CASD1: variants seen among roughly 807,000 people sequenced by gnomAD.
CASD1 encodes CAS1 domain sialic acid O acetyltransferase 1.
In CASD1, 41 loss-of-function variants were observed where a neutral mutation model predicts 100.0. The observed-to-expected ratio is 0.41, with a 90% CI of 0.32 to 0.53. The LOEUF is 0.53. Among genes scored for constraint, CASD1 ranks in the 20% least tolerant of loss-of-function variants. The pLI, the probability that CASD1 is intolerant of heterozygous loss-of-function variation, is 0.25. For missense variants in CASD1, 774 were observed against 948.7 expected (o/e 0.82, Z 2.42); for synonymous variants, 321 against 315.6 (o/e 1.02, Z -0.18).
the CASD1 span, chr7:94,585,234 TTAA>T: frequency 6.1e-4 from 256 of 416,782 alleles, no homozygotes; most frequent in African/African-American, 4.6e-3. Context: ...TTAGGCTTCA[TTAA>T]TAATATTTAT....
chr7:94,615,131 C>T, the CASD1 span, among the ~76,000 whole-genome samples: 1 of 152,088 alleles, frequency 6.6e-6, no homozygotes, highest in East Asian at 1.9e-4. Flanking sequence ...GAGGCCAAGG[C>T]GGGTGGATCA....
chr7:94,541,114 A>T (rs1183528862), intron 10 of CASD1, among the ~76,000 whole-genome samples: 1 of 152,074 alleles, frequency 6.6e-6, no homozygotes, highest in Admixed American at 6.6e-5. Context: ...ATTTATAATG[A>T]TTAACTAACA....
At chr7:94,518,601 A>G (rs1487009648) in intron 3 of CASD1, among the ~76,000 whole-genome samples, 1 of 152,176 alleles carries the variant, frequency 6.6e-6, no homozygotes, top group African/African-American at 2.4e-5. Flanking sequence ...AAATTTCCTT[A>G]GAAAGAAGAC....
At chr7:94,511,419 A>T (rs1336573626) in intron 1 of CASD1, among the ~76,000 whole-genome samples, 1 of 152,186 alleles carries the variant, frequency 6.6e-6, no homozygotes, top group East Asian at 1.9e-4. Context: ...AATTAAAAAT[A>T]TTGTACTCTA....
chr7:94,586,605 T>C, the CASD1 span: 1 of 153,240 alleles, frequency 6.5e-6, no homozygotes, highest in South Asian at 2.1e-4. Flanking sequence ...GTTCAAGTGA[T>C]TTTTCTGCCT....
the CASD1 span, among the ~76,000 whole-genome samples, chr7:94,580,311 C>T: frequency 6.6e-6 from 1 of 152,166 alleles, no homozygotes; most frequent in South Asian, 2.1e-4. Flanking sequence ...TTCCCCTATA[C>T]TTCACCATCT....
the CASD1 span, chr7:94,598,654 TTTG>T: frequency 1.3e-6 from 1 of 796,936 alleles, no homozygotes; most frequent in Non-Finnish European, 2.2e-6. Context: ...ACAATGTCCT[TTTG>T]TTATTTTCTC....
At chr7:94,571,496 A>T in the CASD1 span, among the ~76,000 whole-genome samples, 2 of 152,150 alleles carry the variant, frequency 1.3e-5, no homozygotes, top group African/African-American at 4.8e-5. Context: ...TTTTTAGTAG[A>T]AATTTGGATT....
chr7:94,572,212 A>G, the CASD1 span, among the ~76,000 whole-genome samples: 1 of 152,186 alleles, frequency 6.6e-6, no homozygotes, highest in Admixed American at 6.6e-5. Context: ...ATGAGATTAC[A>G]GACATGAGCC....
chr7:94,510,265 G>A, intron 1 of CASD1, 48 bp downstream of exon 1: 1 of 1,339,134 alleles, frequency 7.5e-7, no homozygotes, highest in South Asian at 1.7e-5. Context: ...GGGAGGCGGC[G>A]ACGCGGCGGC....
Position 94,552,358 on chromosome 7 carries a change from C to A in CASD1, c.1965C>A (p.Ser655=), listed in dbSNP as rs764057110. Residue 655 remains serine (S), a synonymous_variant, in exon 16 of 18, where the codon TCC becomes TCA. Transcript: ENST00000297273. ...FISVVSFLTY[S]IWASSCKNKA... is the part of the protein sequence containing the mutation. ...TACATTTTTTGTTTTAGACCTATTC[C>A]ATCTGGGCTAGCAGTTGTAAAAACA... 3.7e-6 allele frequency: 6 copies of A among 1,609,774 alleles called. No individual in the cohort carries two copies. The South Asian group carries it at 6.6e-5, about 18-fold the overall frequency.
chr7:94,596,057 A>G, the CASD1 span, among the ~76,000 whole-genome samples: 2 of 152,100 alleles, frequency 1.3e-5, no homozygotes, highest in African/African-American at 4.8e-5. Flanking sequence ...AAATCTGAAT[A>G]ATGTGAAGGT....
chr7:94,552,564 GTAGTAA>G, intron 16 of CASD1, 137 bp downstream of exon 16: 1 of 614,140 alleles, frequency 1.6e-6, no homozygotes, highest in Non-Finnish European at 2.8e-6. Context: ...TCCTTTCTCT[GTAGTAA>G]TAGGGATATT....
chr7:94,566,164 G>A, the CASD1 span, among the ~76,000 whole-genome samples: 1 of 152,124 alleles, frequency 6.6e-6, no homozygotes, highest in Non-Finnish European at 1.5e-5. Context: ...AGCATTTATA[G>A]TTAATAACAA....
chr7:94,605,667 T>TA, the CASD1 span, among the ~76,000 whole-genome samples: 18 of 151,848 alleles, frequency 1.2e-4, no homozygotes, highest in African/African-American at 4.1e-4. Context: ...AAAGACAGTT[T>TA]AAAAAATACA....
the CASD1 span, among the ~76,000 whole-genome samples, chr7:94,606,927 C>T: frequency 6.6e-6 from 1 of 151,984 alleles, no homozygotes; most frequent in Non-Finnish European, 1.5e-5. Context: ...AAAAATGAAA[C>T]CATAACTTAT....
the CASD1 span, chr7:94,603,502 C>T: frequency 1.3e-6 from 2 of 1,550,082 alleles, no homozygotes; most frequent in Non-Finnish European, 1.8e-6. Context: ...ATTGAAAACA[C>T]TAAAAAACAA....
the CASD1 span, among the ~76,000 whole-genome samples, chr7:94,570,156 C>T: frequency 2.0e-5 from 3 of 152,028 alleles, no homozygotes; most frequent in Admixed American, 6.6e-5. Flanking sequence ...ATTTAAAATA[C>T]GAGGATTTAC....
At chr7:94,591,617 T>C in the CASD1 span, among the ~76,000 whole-genome samples, 1 of 132,150 alleles carries the variant, frequency 7.6e-6, no homozygotes, top group Non-Finnish European at 1.8e-5. Flanking sequence ...ATGAGGTAGT[T>C]GGATGCCCCC....
Sources: allele counts gnomAD v4.1 joint callset (sites outside exome capture counted in the v4.1 genomes callset), GRCh38; gene constraint gnomAD v4.1.1; transcripts MANE v1.5; gene names NCBI Gene and HGNC (gene_info 2026-07-23, HGNC 2026-07-21).